SDHA: variants seen among roughly 807,000 people sequenced by gnomAD.
SDHA encodes the protein succinate dehydrogenase complex flavoprotein subunit A.
A neutral mutation model predicts 78.4 loss-of-function variants in SDHA; 48 were observed. The ratio of observed to expected loss-of-function variants is 0.61; its 90% confidence interval spans 0.49 to 0.78. The LOEUF is 0.78. Ranked by LOEUF, SDHA falls within the 30% of genes least tolerant of loss-of-function variation. The pLI, the probability that SDHA is intolerant of heterozygous loss-of-function variation, is 0.00. For missense variants in SDHA, 680 were observed against 892.7 expected, an observed-to-expected ratio of 0.76 and a Z score of 3.04; for synonymous variants, 326 against 353.9, an observed-to-expected ratio of 0.92 and a Z score of 0.88.
chr5:231,954 G>C (rs1487951317), intron 7 of SDHA, among the ~76,000 whole-genome samples: 3 of 152,164 alleles, frequency 2.0e-5, no homozygotes, highest in African/African-American at 4.8e-5. Flanking sequence ...GCAATTCGGA[G>C]ACATTAACTC....
At chr5:263,811 A>G in the SDHA span, among the ~76,000 whole-genome samples, 1 of 152,172 alleles carries the variant, frequency 6.6e-6, no homozygotes. Flanking sequence ...AGCATCTAAC[A>G]AAAGTATGTG....
At chr5:266,809 A>G in the SDHA span, among the ~76,000 whole-genome samples, 3 of 151,852 alleles carry the variant, frequency 2.0e-5, no homozygotes, top group South Asian at 6.2e-4. Flanking sequence ...CGTGCAGTAG[A>G]CACGGTGGCC....
intron 9 of SDHA, 85 bp downstream of exon 9, chr5:235,424 A>G (rs923717637): frequency 3.8e-5 from 49 of 1,285,638 alleles, no homozygotes; most frequent in African/African-American, 1.0e-4. Flanking sequence ...TAGATCTTAC[A>G]GGAAAAGATA....
At chr5:221,826 G>T (rs1373881472) in intron 1 of SDHA, among the ~76,000 whole-genome samples, 1 of 152,158 alleles carries the variant, frequency 6.6e-6, no homozygotes, top group African/African-American at 2.4e-5. Flanking sequence ...CTTTTCGCCA[G>T]GGGGATGGCG....
rs2126631871 is a variant in SDHA at position 250,980 on chromosome 5, T to C, written c.1552-12T>C. ...TGGATTAAAAGTTTACAAATAATAT[T>C]TTGTGCCACAGTCAATGCAAAATCA... is the stretch of plus-strand genomic sequence containing the variant. On this transcript the variant is annotated splice_polypyrimidine_tract_variant and intron_variant, in intron 11 of 14. Transcript: ENST00000264932. The C allele has an allele frequency of 6.2e-7, 1 of 1,609,078 alleles. No homozygotes were observed. Among genetic ancestry groups the C allele is most frequent in the Non-Finnish European group, 8.5e-7 (1 of 1,177,164 alleles).
chr5:258,216 T>C (rs1233277848), downstream of SDHA, among the ~76,000 whole-genome samples: 1 of 123,438 alleles, frequency 8.1e-6, no homozygotes, highest in Non-Finnish European at 1.6e-5. Context: ...TGCCAGAGCA[T>C]TACCGTGAGC....
the SDHA span, among the ~76,000 whole-genome samples, chr5:267,273 C>A: frequency 1.3e-5 from 2 of 152,084 alleles, no homozygotes; most frequent in African/African-American, 4.8e-5. Context: ...GGAGGGGGTG[C>A]CAGGCATGGT....
At position 256,618 on chromosome 5, in the gene SDHA, C is replaced by CTTGCTTCA. The variant is rs1737216248; in HGVS notation, c.*201_*208dup. ...GGGAGCGTGGCACTTACCTTTGTCC[C>CTTGCTTCA]TTGCTTCATTCTTGTGAGATGATAA... On this transcript the variant is annotated 3_prime_UTR_variant, in exon 15 of 15. Transcript: ENST00000264932. 1.7e-6 allele frequency: 1 copy of CTTGCTTCA among 601,782 alleles called. No individual in the cohort carries two copies. The highest frequency in any genetic ancestry group is 2.8e-5 in the Admixed American group (1 of 35,720). The allele number at this position is 601,782 out of a possible 1,614,324, so 37.3% of individuals were successfully genotyped here. A position where few individuals can be genotyped will look rare whatever the true frequency, so the allele number is the denominator to read the frequency against.
At chr5:241,032 T>G (rs564111336) in intron 11 of SDHA, among the ~76,000 whole-genome samples, 48 of 152,162 alleles carry the variant, frequency 3.2e-4, no homozygotes, top group South Asian at 2.3e-3. Flanking sequence ...GACGTACTCC[T>G]CACCGTATCA....
the SDHA span, among the ~76,000 whole-genome samples, chr5:267,221 G>A: frequency 1.3e-5 from 2 of 152,372 alleles, no homozygotes; most frequent in African/African-American, 4.8e-5. Context: ...ATGTTGGAAG[G>A]AAGATGGGAG....
At chr5:226,915 T>C (rs62347674) in intron 5 of SDHA, among the ~76,000 whole-genome samples, 32,221 of 130,070 alleles carry the variant, frequency 0.25, 6,034 homozygotes, top group African/African-American at 0.53. Context: ...GGCAACAGAA[T>C]GAGACTCCAT....
rs1579397217 is a variant in SDHA, at chr5:230,910, G to A, written c.805G>A (p.Ala269Thr). Residue 269 changes from alanine (A) to threonine (T), a missense_variant, in exon 7 of 15, where the codon GCC becomes ACC. Ala to Thr is a moderately conservative substitution (Grantham distance 58, BLOSUM62 0). Transcript: ENST00000264932. ...GCGCACCTACTTCAGCTGCACGTCT[G>A]CCCACACCAGCACTGGCGACGGCAC... ...YGRTYFSCTSAHTSTGDGTAM... is the reference protein window; with the variant it reads ...YGRTYFSCTSTHTSTGDGTAM... 8.1e-6 allele frequency: 13 copies of A among 1,614,134 alleles called. No individual in the cohort carries two copies. Among genetic ancestry groups the A allele is most frequent in the Non-Finnish European group, 1.1e-5 (13 of 1,180,006 alleles).
intron 1 of SDHA, chr5:220,267 G>A (rs758912239): frequency 4.6e-5 from 21 of 452,634 alleles, no homozygotes; most frequent in South Asian, 1.4e-4. Flanking sequence ...CAAACTGTTC[G>A]AAAGCAGTTT....
chr5:249,024 C>T, intron 11 of SDHA: 1 of 399,682 alleles, frequency 2.5e-6, no homozygotes, highest in East Asian at 7.5e-5. Flanking sequence ...TAGAAGGACA[C>T]CGTACAAACT....
At chr5:258,647 A>G (rs565197662), downstream of SDHA, among the ~76,000 whole-genome samples, 2 of 121,266 alleles carry the variant, frequency 1.6e-5, no homozygotes, top group South Asian at 5.0e-4. Context: ...CTCCCGCCAG[A>G]GCATTACCGT....
chr5:225,821 A>G (rs2126548905), intron 4 of SDHA, 62 bp from the exon 5 acceptor site: 1 of 1,588,820 alleles, frequency 6.3e-7, no homozygotes, highest in Non-Finnish European at 8.6e-7. Flanking sequence ...AGTGTAGATT[A>G]GCTGCGAATA....
At chr5:226,609 G>A (rs1735043132) in intron 5 of SDHA, among the ~76,000 whole-genome samples, 1 of 152,018 alleles carries the variant, frequency 6.6e-6, no homozygotes, top group South Asian at 2.1e-4. Context: ...TCCAGCCTGG[G>A]CAACAGGAGA....
Position 219,769 on chromosome 5 carries a change from T to C in SDHA, c.63+1351T>C, listed in dbSNP as rs192901843. Among the ~76,000 whole-genome samples, 9 of 152,276 alleles carry C rather than the reference T, an allele frequency of 5.9e-5. No individual in the cohort carries two copies. The East Asian group carries it at 1.7e-3, about 29-fold the overall frequency. On this transcript the variant is annotated intron_variant, in intron 1 of 14. Transcript: ENST00000264932. The stretch of plus-strand genomic sequence containing the variant: ...TTGGAGAAAAGCTAGAGCTAGTGCC[T>C]TTGTCCTCAACCCAGATGGTGCCCG...
At chr5:231,915 G>T (rs1217554824) in intron 7 of SDHA, among the ~76,000 whole-genome samples, 1 of 152,138 alleles carries the variant, frequency 6.6e-6, no homozygotes, top group Non-Finnish European at 1.5e-5. Flanking sequence ...CTCGTCTTGG[G>T]GACGTCTGAC....
Sources: gnomAD v4.1 joint callset for allele counts (sites outside exome capture counted in the v4.1 genomes callset) on GRCh38, gnomAD v4.1.1 for gene constraint, MANE v1.5 for transcripts, NCBI Gene and HGNC (gene_info 2026-07-23, HGNC 2026-07-21) for gene names.